The following KDM4C variants were observed in gnomAD, a reference collection of about 807,000 sequenced individuals.
KDM4C encodes lysine demethylase 4C, also known as lysine-specific demethylase 4C.
Under a neutral mutation model 129.3 loss-of-function variants are expected in KDM4C, and 81 were observed. The observed-to-expected ratio is 0.63, with a 90% CI of 0.52 to 0.75. The LOEUF is 0.75. Ranked by LOEUF, KDM4C falls within the 30% of genes least tolerant of loss-of-function variation. The probability of loss-of-function intolerance (pLI) is 0.00; values close to 1 mark genes in which losing one functional copy is unlikely to be tolerated. For synonymous variants in KDM4C, 573 were observed against 456.1 expected (o/e 1.26, Z -3.26); for missense variants, 1,457 against 1,304.0 (o/e 1.12, Z -1.81).
At chr9:6,884,965 C>G (rs1270704488) in intron 6 of KDM4C, among the ~76,000 whole-genome samples, 2 of 152,180 alleles carry the variant, frequency 1.3e-5, no homozygotes, top group African/African-American at 4.8e-5. Context: ...CACTCTATTT[C>G]AAAAATAGTT....
At chr9:6,930,608 A>G (rs936869725) in intron 8 of KDM4C, among the ~76,000 whole-genome samples, 30 of 135,808 alleles carry the variant, frequency 2.2e-4, no homozygotes, top group Non-Finnish European at 4.5e-4. Context: ...ATATAATAAA[A>G]CATGTTATAA....
chr9:7,113,172 C>T lies in KDM4C; in HGVS notation c.2610+9302C>T, dbSNP rs567066062. Among the ~76,000 whole-genome samples the T allele has an allele frequency of 7.9e-5, 12 of 152,212 alleles. 1 individual carries two copies. The South Asian group carries it at 2.3e-3, about 29-fold the overall frequency. ...AAAAAAATACTATAGCGATTCAAAC[C>T]TGAATCTGATCGATATTCCTAAATC... On this transcript the variant is annotated intron_variant, in intron 18 of 21. Transcript: ENST00000381309.
chr9:6,734,897 T>G, intron 1 of KDM4C: 1 of 565,682 alleles, frequency 1.8e-6, no homozygotes, highest in Non-Finnish European at 3.5e-6. Context: ...CAATGGAAGG[T>G]AGTCCCCAGT....
intron 2 of KDM4C, among the ~76,000 whole-genome samples, chr9:6,803,198 C>G (rs115734182): frequency 2.6e-5 from 4 of 152,044 alleles, no homozygotes; most frequent in African/African-American, 9.7e-5. Context: ...TTGGTGTTTG[C>G]TTTGTAATAA....
intron 4 of KDM4C, among the ~76,000 whole-genome samples, chr9:6,825,376 C>T (rs1833721417): frequency 6.6e-6 from 1 of 152,186 alleles, no homozygotes; most frequent in Non-Finnish European, 1.5e-5. Context: ...ACCTTGACAA[C>T]TGCTTCGGTA....
At chr9:6,849,049 G>T (rs1838363986) in intron 4 of KDM4C, among the ~76,000 whole-genome samples, 1 of 152,090 alleles carries the variant, frequency 6.6e-6, no homozygotes, top group African/African-American at 2.4e-5. Context: ...TTTTGCTGTT[G>T]GTTTCTTGAT....
chr9:6,990,636 A>T (rs1461094377), intron 12 of KDM4C, 112 bp downstream of exon 12: 2 of 662,900 alleles, frequency 3.0e-6, no homozygotes, highest in Admixed American at 5.9e-5. Flanking sequence ...GCAAATACGT[A>T]CTATTAGGAG....
intron 8 of KDM4C, among the ~76,000 whole-genome samples, chr9:6,956,902 C>A (rs1246439251): frequency 6.6e-6 from 1 of 152,144 alleles, no homozygotes; most frequent in African/African-American, 2.4e-5. Context: ...GGTAGTGTCT[C>A]TGGTACTGAA....
chr9:6,720,925 G>T, exon 1 of KDM4C: 1 of 1,550,614 alleles, frequency 6.4e-7, no homozygotes, highest in Non-Finnish European at 8.7e-7. Context: ...CTGCATTCAT[G>T]TGGAAGAGGC....
chr9:7,134,173 C>T (rs1430828450), intron 19 of KDM4C, among the ~76,000 whole-genome samples: 1 of 152,170 alleles, frequency 6.6e-6, no homozygotes, highest in Admixed American at 6.5e-5. Context: ...CAGGCATGGC[C>T]CACATGGCCT....
chr9:7,038,755 G>A (rs1358389144), intron 15 of KDM4C, among the ~76,000 whole-genome samples: 3 of 151,746 alleles, frequency 2.0e-5, no homozygotes, highest in Non-Finnish European at 2.9e-5. Flanking sequence ...ATTCTTCTCC[G>A]TAACCATCAT....
intron 17 of KDM4C, among the ~76,000 whole-genome samples, chr9:7,059,778 A>G (rs1477223128): frequency 4.6e-5 from 7 of 152,214 alleles, no homozygotes; most frequent in Non-Finnish European, 1.0e-4. Context: ...CCACTCTTCA[A>G]GCTGTTTTCT....
At chr9:7,072,890 T>C (rs1833398147) in intron 17 of KDM4C, among the ~76,000 whole-genome samples, 1 of 152,200 alleles carries the variant, frequency 6.6e-6, no homozygotes, top group African/African-American at 2.4e-5. Context: ...GTATACATTG[T>C]GTAATCATCA....
At chr9:6,959,259 G>T (rs1392828529) in intron 8 of KDM4C, among the ~76,000 whole-genome samples, 2 of 152,182 alleles carry the variant, frequency 1.3e-5, no homozygotes, top group African/African-American at 2.4e-5. Flanking sequence ...CCACCATGTA[G>T]TCCCAGATGT....
intron 10 of KDM4C, among the ~76,000 whole-genome samples, 162 bp from the exon 11 acceptor site, chr9:6,986,182 G>A (rs1229121177): frequency 1.3e-5 from 2 of 152,190 alleles, no homozygotes; most frequent in Non-Finnish European, 2.9e-5. Flanking sequence ...GCTAGTATGT[G>A]ATGGGTACAA....
chr9:6,929,243 C>T (rs905582646), intron 8 of KDM4C, among the ~76,000 whole-genome samples: 1 of 152,130 alleles, frequency 6.6e-6, no homozygotes, highest in Non-Finnish European at 1.5e-5. Flanking sequence ...TCATTGAAGA[C>T]ACATGTTTAG....
At chr9:6,818,200 T>G (rs1564083576) in intron 4 of KDM4C, among the ~76,000 whole-genome samples, 3 of 152,244 alleles carry the variant, frequency 2.0e-5, no homozygotes, top group African/African-American at 7.2e-5. Flanking sequence ...TTTTTTGACT[T>G]TTGAAACATT....
At chr9:6,814,307 C>G (rs896968481) in intron 3 of KDM4C, among the ~76,000 whole-genome samples, 1 of 151,962 alleles carries the variant, frequency 6.6e-6, no homozygotes, top group Non-Finnish European at 1.5e-5. Flanking sequence ...TGTAAAATTT[C>G]TTAGCATAGT....
At chr9:6,979,437 A>C (rs1272037692) in intron 8 of KDM4C, among the ~76,000 whole-genome samples, 1 of 152,166 alleles carries the variant, frequency 6.6e-6, no homozygotes, top group Non-Finnish European at 1.5e-5. Flanking sequence ...TAAATGAAGC[A>C]TAAGGGGCAT....
Sources: gnomAD v4.1 joint callset for allele counts (sites outside exome capture counted in the v4.1 genomes callset) on GRCh38, gnomAD v4.1.1 for gene constraint, MANE v1.5 for transcripts, NCBI Gene and HGNC (gene_info 2026-07-23, HGNC 2026-07-21) for gene names.